Variants in LRMDA observed in about 807,000 individuals in gnomAD.
LRMDA encodes the protein leucine-rich melanocyte differentiation-associated protein.
A neutral mutation model predicts 29.8 loss-of-function variants in LRMDA; 18 were observed. The observed-to-expected ratio is 0.60, with a 90% confidence interval of 0.42 to 0.90. The LOEUF is 0.90. Among genes scored for constraint, LRMDA ranks in the 40% least tolerant of loss-of-function variants. LRMDA has a pLI of 0.00. For missense variants in LRMDA, 273 were observed against 273.9 expected, an observed-to-expected ratio of 1.00 and a Z score of 0.02; for synonymous variants, 125 against 109.4, an observed-to-expected ratio of 1.14 and a Z score of -0.89.
chr10:75,597,651 C>A (rs1046653576), intron 2 of LRMDA, among the ~76,000 whole-genome samples: 1 of 152,120 alleles, frequency 6.6e-6, no homozygotes, highest in Non-Finnish European at 1.5e-5. Context: ...CTCCCATTCA[C>A]TTTTTTTAAT....
intron 5 of LRMDA, among the ~76,000 whole-genome samples, chr10:76,144,991 A>C (rs1850284193): frequency 6.6e-6 from 1 of 152,212 alleles, no homozygotes; most frequent in Admixed American, 6.5e-5. Context: ...ATGCTGGATT[A>C]CATTTATTGA....
intron 2 of LRMDA, among the ~76,000 whole-genome samples, chr10:75,575,670 C>T (rs2132073046): frequency 6.6e-6 from 1 of 152,262 alleles, no homozygotes; most frequent in South Asian, 2.1e-4. Flanking sequence ...ACTGAGGTAC[C>T]TTGTTTGTCT....
intron 5 of LRMDA, among the ~76,000 whole-genome samples, chr10:76,063,923 C>T (rs943226660): frequency 6.6e-6 from 1 of 152,112 alleles, no homozygotes; most frequent in African/African-American, 2.4e-5. Flanking sequence ...GCTGCTCGCC[C>T]CTGGGGTGCC....
At chr10:76,064,490 G>A (rs1397668333) in intron 5 of LRMDA, among the ~76,000 whole-genome samples, 8 of 152,090 alleles carry the variant, frequency 5.3e-5, no homozygotes, top group Admixed American at 2.6e-4. Context: ...CGTCTTCGCC[G>A]CTATTGTATT....
intron 2 of LRMDA, among the ~76,000 whole-genome samples, chr10:75,696,068 GAGTGTTTAGTAC>G: frequency 6.6e-6 from 1 of 152,110 alleles, no homozygotes; most frequent in East Asian, 1.9e-4. Flanking sequence ...AAAAAGATAA[GAGTGTTTAGTAC>G]AGGTAGTATA....
At chr10:75,856,154 G>A (rs953747925) in intron 2 of LRMDA, among the ~76,000 whole-genome samples, 43 of 152,216 alleles carry the variant, frequency 2.8e-4, no homozygotes, top group South Asian at 8.3e-4. Flanking sequence ...ATTACCTTGG[G>A]CAGTATGGCC....
At chr10:76,256,773 A>G (rs1046536484) in intron 5 of LRMDA, among the ~76,000 whole-genome samples, 1 of 152,172 alleles carries the variant, frequency 6.6e-6, no homozygotes, top group Admixed American at 6.5e-5. Context: ...GACACATCGT[A>G]TTCTATATGG....
chr10:75,958,767 CG>C (rs1846709450), intron 2 of LRMDA, among the ~76,000 whole-genome samples: 1 of 152,066 alleles, frequency 6.6e-6, no homozygotes, highest in Non-Finnish European at 1.5e-5. Flanking sequence ...ACCCGAGACT[CG>C]GTAATTTATA....
At chr10:75,742,806 C>T (rs537570525) in intron 2 of LRMDA, 1 of 152,292 alleles carries the variant, frequency 6.6e-6, no homozygotes, top group East Asian at 1.9e-4. Flanking sequence ...CCAACTCGAT[C>T]AGATTTCTGG....
intron 2 of LRMDA, among the ~76,000 whole-genome samples, chr10:75,510,677 A>G (rs188715051): frequency 6.6e-6 from 1 of 152,134 alleles, no homozygotes; most frequent in South Asian, 2.1e-4. Flanking sequence ...GGCCAGTTGA[A>G]TGGATGGTGG....
intron 2 of LRMDA, among the ~76,000 whole-genome samples, chr10:75,844,203 G>A (rs747111893): frequency 6.6e-6 from 1 of 152,186 alleles, no homozygotes; most frequent in Non-Finnish European, 1.5e-5. Flanking sequence ...GTGCTTTTCT[G>A]TAGTGACAGC....
chr10:75,630,549 T>C (rs578041197), intron 2 of LRMDA, among the ~76,000 whole-genome samples: 1 of 152,358 alleles, frequency 6.6e-6, no homozygotes, highest in South Asian at 2.1e-4. Flanking sequence ...AGAAATCTTC[T>C]ATGAGGCTCT....
At chr10:76,492,500 A>G (rs1025740462) in intron 6 of LRMDA, among the ~76,000 whole-genome samples, 1 of 152,076 alleles carries the variant, frequency 6.6e-6, no homozygotes, top group African/African-American at 2.4e-5. Flanking sequence ...CTGGTTTACT[A>G]GGCAAAGACT....
At chr10:75,753,884 G>A (rs928831203) in intron 2 of LRMDA, among the ~76,000 whole-genome samples, 4 of 152,216 alleles carry the variant, frequency 2.6e-5, no homozygotes, top group African/African-American at 9.6e-5. Flanking sequence ...AGGCAGTAAA[G>A]ATGGAAGGAA....
intron 2 of LRMDA, among the ~76,000 whole-genome samples, chr10:75,639,883 G>T (rs1293521290): frequency 1.3e-5 from 2 of 152,236 alleles, no homozygotes; most frequent in Non-Finnish European, 2.9e-5. Context: ...ATGCTGTCGT[G>T]TTGAGGAGCA....
intron 5 of LRMDA, among the ~76,000 whole-genome samples, chr10:76,149,711 A>C (rs968135063): frequency 1.3e-5 from 2 of 151,870 alleles, no homozygotes; most frequent in Non-Finnish European, 2.9e-5. Context: ...AGAGCCTAAA[A>C]CTCCACAATT....
intron 2 of LRMDA, among the ~76,000 whole-genome samples, chr10:75,800,222 C>T (rs1318933249): frequency 1.3e-5 from 2 of 152,110 alleles, no homozygotes; most frequent in African/African-American, 2.4e-5. Flanking sequence ...CATGAAACAC[C>T]ATGTTTAAAC....
At chr10:76,419,062 A>G (rs1842047327) in intron 6 of LRMDA, among the ~76,000 whole-genome samples, 1 of 152,120 alleles carries the variant, frequency 6.6e-6, no homozygotes, top group Non-Finnish European at 1.5e-5. Context: ...ATTTGTTACA[A>G]TTGATTAATC....
At chr10:76,019,963 T>A (rs1847942934) in intron 2 of LRMDA, among the ~76,000 whole-genome samples, 1 of 152,230 alleles carries the variant, frequency 6.6e-6, no homozygotes, top group African/African-American at 2.4e-5. Flanking sequence ...CACGAGCCAC[T>A]CTTTTACACA....
Sources: gnomAD v4.1 joint callset for allele counts (sites outside exome capture counted in the v4.1 genomes callset) on GRCh38, gnomAD v4.1.1 for gene constraint, MANE v1.5 for transcripts, NCBI Gene and HGNC (gene_info 2026-07-23, HGNC 2026-07-21) for gene names.